TSPEAR: variants seen among roughly 807,000 people sequenced by gnomAD.
The protein encoded by TSPEAR is thrombospondin type laminin G domain and EAR repeats, also known as thrombospondin-type laminin G domain and EAR repeat-containing protein.
TSPEAR carries 69 observed loss-of-function variants against 71.6 expected under a neutral mutation model. That is an observed-to-expected ratio of 0.96 (90% CI 0.79 to 1.18). The LOEUF is 1.18. TSPEAR is among the 50% of genes most tolerant of loss of function. The pLI is 0.00. For synonymous variants in TSPEAR, 402 were observed against 387.2 expected (o/e 1.04, Z -0.45); for missense variants, 971 against 894.9 (o/e 1.09, Z -1.09).
chr21:44,661,205 C>T (rs587713354), intron 1 of TSPEAR, among the ~76,000 whole-genome samples: 89 of 132,802 alleles, frequency 6.7e-4, no homozygotes, highest in African/African-American at 2.3e-3. Flanking sequence ...ACCCCAGAGG[C>T]GGAGGCGGAG....
At chr21:44,579,508 A>T in intron 1 of TSPEAR, 1 of 571,502 alleles carries the variant, frequency 1.7e-6, no homozygotes, top group East Asian at 2.9e-5. Flanking sequence ...TGACAGGTTC[A>T]AGTCGAGGCC....
intron 2 of TSPEAR, chr21:44,550,631 G>A: frequency 1.3e-6 from 2 of 1,589,594 alleles, no homozygotes; most frequent in Non-Finnish European, 1.7e-6. Context: ...TGGGCTGGGA[G>A]GTCCAAGGAC....
At chr21:44,522,850 G>A (rs2052762524) in intron 8 of TSPEAR, among the ~76,000 whole-genome samples, 1 of 152,228 alleles carries the variant, frequency 6.6e-6, no homozygotes, top group Non-Finnish European at 1.5e-5. Flanking sequence ...CCAGGCACCA[G>A]GCCAGCATCC....
intron 1 of TSPEAR, among the ~76,000 whole-genome samples, chr21:44,582,373 T>G (rs1979040854): frequency 6.6e-6 from 1 of 152,006 alleles, no homozygotes; most frequent in South Asian, 2.1e-4. Context: ...CCCAGAAGAG[T>G]GCGTGCTTCC....
Position 44,647,159 on chromosome 21 carries a change from C to T in TSPEAR, c.82+64274G>A, listed in dbSNP as rs199741257. 3 of 1,614,080 alleles carry T rather than the reference C, an allele frequency of 1.9e-6. No homozygotes were observed. Among genetic ancestry groups the T allele is most frequent in the East Asian group, 2.2e-5 (1 of 44,880 alleles). Reference sequence around the variant, plus strand: ...TGCACCACCTCCTGCTGCAGACCCTCCTCCTCTGTGTCCCTCCTCTGCCAC... The same window carrying T: ...TGCACCACCTCCTGCTGCAGACCCTTCTCCTCTGTGTCCCTCCTCTGCCAC... On this transcript the variant is annotated intron_variant, in intron 1 of 11. Transcript: ENST00000323084.
At chr21:44,701,285 G>A (rs767461522) in intron 1 of TSPEAR, among the ~76,000 whole-genome samples, 1 of 152,068 alleles carries the variant, frequency 6.6e-6, no homozygotes, top group Non-Finnish European at 1.5e-5. Context: ...TCCTTCCAGC[G>A]ACGTGAAACG....
chr21:44,709,585 A>G (rs1439336546), intron 1 of TSPEAR, among the ~76,000 whole-genome samples: 1 of 152,170 alleles, frequency 6.6e-6, no homozygotes, highest in Non-Finnish European at 1.5e-5. Flanking sequence ...CAGCCTCGCG[A>G]CCGCCTGTGA....
chr21:44,570,694 G>T (rs1555922407), intron 1 of TSPEAR, among the ~76,000 whole-genome samples: 1 of 152,212 alleles, frequency 6.6e-6, no homozygotes, highest in Admixed American at 6.5e-5. Flanking sequence ...CAAAGGGAAG[G>T]ATGGGGCAGG....
chr21:44,610,202 T>C (rs1417404878), intron 1 of TSPEAR, among the ~76,000 whole-genome samples: 2 of 152,222 alleles, frequency 1.3e-5, no homozygotes, highest in Non-Finnish European at 2.9e-5. Flanking sequence ...GAAATTTGCA[T>C]AAGTAGCAAG....
intron 1 of TSPEAR, among the ~76,000 whole-genome samples, chr21:44,649,660 T>TC (rs1351517998): frequency 6.6e-6 from 1 of 152,180 alleles, no homozygotes; most frequent in Non-Finnish European, 1.5e-5. Flanking sequence ...AGTGCAGGCA[T>TC]CCCCCATACA....
chr21:44,654,315 G>A, intron 1 of TSPEAR: 2 of 1,614,070 alleles, frequency 1.2e-6, no homozygotes, highest in Non-Finnish European at 1.7e-6. Flanking sequence ...CAGGTCTATA[G>A]ACCAGGGTGG....
intron 1 of TSPEAR, among the ~76,000 whole-genome samples, chr21:44,620,063 CAAAG>C (rs1462141416): frequency 6.6e-6 from 1 of 152,152 alleles, no homozygotes; most frequent in African/African-American, 2.4e-5. Flanking sequence ...AAAGTCAAAA[CAAAG>C]AGAGAATGTA....
chr21:44,551,065 C>G (rs1247892214), intron 2 of TSPEAR: 3 of 1,606,182 alleles, frequency 1.9e-6, no homozygotes, highest in African/African-American at 1.4e-5. Flanking sequence ...GAGGAAGAGG[C>G]ACAGCAAGCT....
chr21:44,589,962 C>T (rs1348183982), intron 1 of TSPEAR, among the ~76,000 whole-genome samples: 1 of 152,254 alleles, frequency 6.6e-6, no homozygotes, highest in Non-Finnish European at 1.5e-5. Flanking sequence ...CCTGGAGGCT[C>T]TCATTTGTCC....
intron 1 of TSPEAR, chr21:44,627,851 C>T (rs782308481): frequency 1.2e-6 from 2 of 1,613,942 alleles, no homozygotes; most frequent in African/African-American, 1.3e-5. Flanking sequence ...TGCTGCAGAC[C>T]CTCCTCCTCT....
intron 1 of TSPEAR, among the ~76,000 whole-genome samples, chr21:44,584,660 C>T (rs1039628996): frequency 6.6e-6 from 1 of 152,188 alleles, no homozygotes; most frequent in Admixed American, 6.5e-5. Flanking sequence ...ATCAGGGTCT[C>T]ACCAGTCTTA....
intron 1 of TSPEAR, among the ~76,000 whole-genome samples, chr21:44,667,599 GC>G (rs1485577352): frequency 1.3e-5 from 2 of 152,322 alleles, no homozygotes; most frequent in Admixed American, 6.5e-5. Context: ...TCCCAGGGAA[GC>G]ATGTGAGGCC....
At chr21:44,681,153 G>A (rs1344340788) in intron 1 of TSPEAR, among the ~76,000 whole-genome samples, 2 of 152,218 alleles carry the variant, frequency 1.3e-5, no homozygotes, top group African/African-American at 2.4e-5. Context: ...AGTGCCATAT[G>A]TAGATCAGTG....
intron 9 of TSPEAR, 88 bp downstream of exon 9, chr21:44,521,795 C>T: frequency 7.8e-7 from 1 of 1,286,244 alleles, no homozygotes; most frequent in East Asian, 2.4e-5. Flanking sequence ...CTCGGTGGAC[C>T]CCCAGCCCAC....
Sources: gnomAD v4.1 joint callset for allele counts (sites outside exome capture counted in the v4.1 genomes callset) on GRCh38, gnomAD v4.1.1 for gene constraint, MANE v1.5 for transcripts, NCBI Gene and HGNC (gene_info 2026-07-23, HGNC 2026-07-21) for gene names.